The following IMPG1 variants were observed in gnomAD, a reference collection of about 807,000 sequenced individuals.
IMPG1 encodes interphotoreceptor matrix proteoglycan of 150 kDa.
IMPG1 carries 85 observed loss-of-function variants against 92.0 expected under a neutral mutation model. The ratio of observed to expected loss-of-function variants is 0.92; its 90% CI spans 0.78 to 1.11. IMPG1 has a LOEUF of 1.11. Ranked by LOEUF, IMPG1 falls within the 50% of genes least tolerant of loss-of-function variation. The pLI, the probability that IMPG1 is intolerant of heterozygous loss-of-function variation, is 0.00. For missense variants in IMPG1, 1,022 were observed against 956.0 expected, an observed-to-expected ratio of 1.07 and a Z score of -0.91; for synonymous variants, 367 against 334.1, an observed-to-expected ratio of 1.10 and a Z score of -1.08.
At chr6:75,976,591 C>T (rs1372173534) in intron 12 of IMPG1, among the ~76,000 whole-genome samples, 1 of 151,454 alleles carries the variant, frequency 6.6e-6, no homozygotes, top group Non-Finnish European at 1.5e-5. Flanking sequence ...CAGCAAAAGG[C>T]TGAGAGATTC....
At chr6:75,962,087 C>G (rs1782219915) in intron 12 of IMPG1, among the ~76,000 whole-genome samples, 1 of 151,888 alleles carries the variant, frequency 6.6e-6, no homozygotes, top group Admixed American at 6.6e-5. Context: ...TTCACCAAGA[C>G]TTCTGCAATT....
At chr6:75,951,180 C>A in intron 12 of IMPG1, 86 bp from the exon 13 acceptor site, 4 of 1,020,160 alleles carry the variant, frequency 3.9e-6, no homozygotes, top group Admixed American at 2.5e-5. Flanking sequence ...TTAAGCTTAA[C>A]TTAAGAAAAT....
At chr6:76,024,243 T>C (rs1336632238) in intron 5 of IMPG1, among the ~76,000 whole-genome samples, 1 of 152,154 alleles carries the variant, frequency 6.6e-6, no homozygotes, top group Non-Finnish European at 1.5e-5. Flanking sequence ...GAAAGTAATA[T>C]CATTTATTTA....
rs139472295 is a variant in IMPG1, at chr6:76,001,112, A to C, written c.1291+1806T>G. Reference sequence around the variant, plus strand: ...AGATTTCTTCCAGCTTTAGTGTTCTATGGTATATTCATGAGTAAAAGGAAT... The same window carrying C: ...AGATTTCTTCCAGCTTTAGTGTTCTCTGGTATATTCATGAGTAAAAGGAAT... On this transcript the variant is annotated intron_variant, in intron 12 of 16. Transcript: ENST00000369950. Among the ~76,000 whole-genome samples, 145 of 152,338 alleles carry C rather than the reference A, an allele frequency of 9.5e-4. 1 individual carries two copies. Among genetic ancestry groups the C allele is most frequent in the African/African-American group, 3.3e-3 (138 of 41,582 alleles).
At chr6:75,991,084 A>G (rs985929459) in intron 12 of IMPG1, among the ~76,000 whole-genome samples, 2 of 152,126 alleles carry the variant, frequency 1.3e-5, no homozygotes, top group Admixed American at 1.3e-4. Flanking sequence ...AACCATTTGC[A>G]TGAAGGATGC....
chr6:75,955,477 T>C (rs574315356), intron 12 of IMPG1, among the ~76,000 whole-genome samples: 37 of 152,342 alleles, frequency 2.4e-4, no homozygotes, highest in East Asian at 1.2e-3. Context: ...TTCTGAGACT[T>C]ATCAGCTTAA....
chr6:75,954,788 G>A (rs980711189), intron 12 of IMPG1, among the ~76,000 whole-genome samples: 3 of 152,116 alleles, frequency 2.0e-5, no homozygotes, highest in African/African-American at 7.2e-5. Flanking sequence ...GTTAATTTTT[G>A]TATAAGGTAT....
Position 76,048,152 on chromosome 6 carries a change from G to A in IMPG1, c.68-6026C>T, listed in dbSNP as rs560460449. Among the ~76,000 whole-genome samples, 12 of 152,212 alleles carry A rather than the reference G, an allele frequency of 7.9e-5. No individual in the cohort carries two copies. The South Asian group carries it at 1.0e-3, about 13-fold the overall frequency. Reference sequence around the variant, plus strand: ...ACTTGACAGGCAAAGCCATAATCATGGTTAAATTCAACCCACTGCCTACCC... The same window carrying A: ...ACTTGACAGGCAAAGCCATAATCATAGTTAAATTCAACCCACTGCCTACCC... On this transcript the variant is annotated intron_variant, in intron 1 of 16. Transcript: ENST00000369950.
intron 14 of IMPG1, among the ~76,000 whole-genome samples, chr6:75,933,554 C>A (rs1781695851): frequency 6.6e-6 from 1 of 152,226 alleles, no homozygotes; most frequent in South Asian, 2.1e-4. Flanking sequence ...CAGTCCAGGG[C>A]ACTTGACCTC....
chr6:75,928,870 ACATGTACGGGATC>A (rs1442613457), intron 15 of IMPG1, among the ~76,000 whole-genome samples: 1 of 152,254 alleles, frequency 6.6e-6, no homozygotes, highest in Non-Finnish European at 1.5e-5. Context: ...TTAATTTATT[ACATGTACGGGATC>A]TTTTATGCTG....
intron 7 of IMPG1, among the ~76,000 whole-genome samples, chr6:76,013,513 T>C (rs1346063450): frequency 6.6e-6 from 1 of 152,190 alleles, no homozygotes; most frequent in Non-Finnish European, 1.5e-5. Context: ...AAAGCATTTG[T>C]AGAGCCCCAA....
At chr6:75,933,098 A>G (rs1301449188) in intron 14 of IMPG1, among the ~76,000 whole-genome samples, 1 of 152,182 alleles carries the variant, frequency 6.6e-6, no homozygotes, top group African/African-American at 2.4e-5. Context: ...AATAATCTAT[A>G]TGCTATGCTG....
chr6:75,993,832 A>T (rs1782855129), intron 12 of IMPG1, among the ~76,000 whole-genome samples: 1 of 152,242 alleles, frequency 6.6e-6, no homozygotes. Context: ...TCTCCTTGTC[A>T]TTAGAGCTGT....
At chr6:76,024,307 T>G (rs1463277261) in intron 5 of IMPG1, among the ~76,000 whole-genome samples, 2 of 152,172 alleles carry the variant, frequency 1.3e-5, no homozygotes, top group Non-Finnish European at 1.5e-5. Flanking sequence ...ATTAATTTCT[T>G]AAAACATTAT....
At chr6:75,928,773 T>C (rs750556629) in intron 15 of IMPG1, 2 of 152,252 alleles carry the variant, frequency 1.3e-5, no homozygotes, top group Non-Finnish European at 2.9e-5. Context: ...TAGATCGAAC[T>C]ATACAAAACT....
intron 1 of IMPG1, 98 bp downstream of exon 1, chr6:76,072,324 C>T (rs897904281): frequency 1.2e-5 from 8 of 646,336 alleles, no homozygotes; most frequent in East Asian, 5.6e-5. Flanking sequence ...TATACTAGCC[C>T]GTGAGATCAA....
chr6:75,923,082 A>G (rs1250245816), intron 16 of IMPG1, among the ~76,000 whole-genome samples: 1 of 152,128 alleles, frequency 6.6e-6, no homozygotes, highest in African/African-American at 2.4e-5. Context: ...TAAATTGCTT[A>G]TAGACAAGTT....
At chr6:76,017,121 T>G (rs932991329) in intron 7 of IMPG1, among the ~76,000 whole-genome samples, 2 of 149,856 alleles carry the variant, frequency 1.3e-5, no homozygotes, top group Admixed American at 6.7e-5. Flanking sequence ...GGGGACAAAT[T>G]GGAAATAGTT....
intron 1 of IMPG1, among the ~76,000 whole-genome samples, chr6:76,064,873 T>G (rs1342912139): frequency 6.6e-6 from 1 of 152,104 alleles, no homozygotes; most frequent in African/African-American, 2.4e-5. Context: ...AAGTGCACAG[T>G]GCTGGCTTCC....
Sources: gnomAD v4.1 joint callset for allele counts (sites outside exome capture counted in the v4.1 genomes callset) on GRCh38, gnomAD v4.1.1 for gene constraint, MANE v1.5 for transcripts, NCBI Gene and HGNC (gene_info 2026-07-23, HGNC 2026-07-21) for gene names.